CDH13: variants seen among roughly 807,000 people sequenced by gnomAD.
CDH13 encodes cadherin-13.
A neutral mutation model predicts 63.8 loss-of-function variants in CDH13; 24 were observed. The observed-to-expected ratio is 0.38, with a 90% CI of 0.27 to 0.53. The LOEUF is 0.53. CDH13 is among the 20% of genes least tolerant of loss of function. The pLI is 0.85. For synonymous variants in CDH13, 503 were observed against 355.3 expected (o/e 1.42, Z -4.67); for missense variants, 1,049 against 903.1 (o/e 1.16, Z -2.07).
At chr16:83,633,402 C>T (rs957514490) in intron 8 of CDH13, among the ~76,000 whole-genome samples, 1 of 152,196 alleles carries the variant, frequency 6.6e-6, no homozygotes, top group African/African-American at 2.4e-5. Flanking sequence ...TAGAAGAGCA[C>T]ATCTGAAGTT....
intron 8 of CDH13, among the ~76,000 whole-genome samples, chr16:83,616,609 A>T (rs1176023259): frequency 6.6e-6 from 1 of 152,086 alleles, no homozygotes; most frequent in Non-Finnish European, 1.5e-5. Context: ...GCCATAAAAC[A>T]TCTACTTTTT....
intron 1 of CDH13, among the ~76,000 whole-genome samples, chr16:82,716,044 A>G (rs1316980125): frequency 1.3e-5 from 2 of 152,174 alleles, no homozygotes; most frequent in Non-Finnish European, 2.9e-5. Flanking sequence ...CTCTGCCTAA[A>G]GTCGGATAAG....
At chr16:83,504,211 T>G (rs78388317) in intron 7 of CDH13, among the ~76,000 whole-genome samples, 3,645 of 152,244 alleles carry the variant, frequency 0.024, 153 homozygotes, top group African/African-American at 0.082. Context: ...AGGCTGGATT[T>G]TAATCCTCAG....
At chr16:83,566,314 A>G (rs557562565) in intron 7 of CDH13, among the ~76,000 whole-genome samples, 2 of 152,320 alleles carry the variant, frequency 1.3e-5, no homozygotes, top group East Asian at 3.9e-4. Flanking sequence ...CTCAATGCAT[A>G]AAGAATATCT....
At position 83,267,960 on chromosome 16, in the gene CDH13, C is replaced by T. The variant is rs140299225; in HGVS notation, c.636+50463C>T. Among the ~76,000 whole-genome samples the T allele has an allele frequency of 3.2e-3, 491 of 152,238 alleles. 3 individuals carry two copies. The highest frequency in any genetic ancestry group is 0.011 in the African/African-American group (455 of 41,550). ...GTCACAGGTGAGGGAAATGAGATGA[C>T]CATGAATGGCAAATTAATCAAGCTT... On this transcript the variant is annotated intron_variant, in intron 5 of 13. Coordinates refer to ENST00000567109, the MANE Select transcript of CDH13 (RefSeq NM_001257.5).
In CDH13 at chr16:83,541,084, C is replaced by A. The variant is rs75286478; in HGVS notation, c.960+54429C>A. Among the ~76,000 whole-genome samples, 120 of 152,234 alleles carry A rather than the reference C, an allele frequency of 7.9e-4. 1 individual carries two copies. The East Asian group carries it at 0.02, about 26-fold the overall frequency. On this transcript the variant is annotated intron_variant, in intron 7 of 13. Transcript: ENST00000567109. ...GTTCACTCCCGCTCAATCCCCAGGT[C>A]ATATGGCAGTCTAATCTCAGACTCT... is the stretch of plus-strand genomic sequence containing the variant.
chr16:83,371,013 T>C (rs1334224036), intron 6 of CDH13, among the ~76,000 whole-genome samples: 1 of 152,178 alleles, frequency 6.6e-6, no homozygotes, highest in Non-Finnish European at 1.5e-5. Context: ...AGAATGGCTA[T>C]TACTAAAAAG....
chr16:82,979,152 A>G (rs1281687276), intron 2 of CDH13, among the ~76,000 whole-genome samples: 3 of 152,232 alleles, frequency 2.0e-5, no homozygotes, highest in Non-Finnish European at 2.9e-5. Flanking sequence ...CCCATTTGGA[A>G]CAGATGTATT....
chr16:83,490,136 C>G (rs562842232), intron 7 of CDH13, among the ~76,000 whole-genome samples: 7 of 152,206 alleles, frequency 4.6e-5, no homozygotes, highest in African/African-American at 1.7e-4. Context: ...ACTCTGGAAT[C>G]CCATTGGGTG....
chr16:83,382,668 C>G (rs992476742), intron 6 of CDH13, among the ~76,000 whole-genome samples: 1 of 152,130 alleles, frequency 6.6e-6, no homozygotes, highest in African/African-American at 2.4e-5. Context: ...CAGGGTTTTT[C>G]TAGCCCTCCT....
chr16:82,879,916 A>G (rs1489498873), intron 2 of CDH13, among the ~76,000 whole-genome samples: 1 of 139,546 alleles, frequency 7.2e-6, no homozygotes, highest in Non-Finnish European at 1.5e-5. Context: ...TTATATATTT[A>G]GATATTATAG....
rs550509056 is a variant in CDH13 at position 83,191,470 on chromosome 16, T to G, written c.484-25875T>G. The stretch of plus-strand genomic sequence containing the variant: ...AGAACTAATAGGAAATATATATATA[T>G]ATATATATATATATATATGCACATA... On this transcript the variant is annotated intron_variant, in intron 4 of 13. Coordinates refer to ENST00000567109, the MANE Select transcript of CDH13 (RefSeq NM_001257.5). Among the ~76,000 whole-genome samples, 308 of 109,518 alleles carry G rather than the reference T, an allele frequency of 2.8e-3. 4 individuals carry two copies. Among genetic ancestry groups the G allele is most frequent in the African/African-American group, 5.4e-3 (166 of 30,652 alleles). The allele number at this position is 109,518 out of a possible 152,430, so 71.8% of individuals were successfully genotyped here.
At chr16:82,672,768 TACACACACAC>T (rs58819198) in intron 1 of CDH13, among the ~76,000 whole-genome samples, 75 of 144,674 alleles carry the variant, frequency 5.2e-4, no homozygotes, top group East Asian at 3.1e-3. Flanking sequence ...TATATATGTG[TACACACACAC>T]ACACACACAC....
chr16:83,591,105 T>A (rs1341430207), intron 7 of CDH13, among the ~76,000 whole-genome samples: 1 of 151,748 alleles, frequency 6.6e-6, no homozygotes, highest in Non-Finnish European at 1.5e-5. Flanking sequence ...GAGATGGGGG[T>A]TCACCAGGTT....
chr16:83,359,531 T>G (rs1206805058), intron 6 of CDH13, among the ~76,000 whole-genome samples: 1 of 152,192 alleles, frequency 6.6e-6, no homozygotes, highest in Non-Finnish European at 1.5e-5. Context: ...TAGTCCTGGC[T>G]CCTTCTCTTA....
rs562373999 is a variant in CDH13, at chr16:82,866,173, G to C, written c.157+7700G>C. 1.3e-4 allele frequency among the ~76,000 whole-genome samples: 20 copies of C among 152,022 alleles called. No homozygotes were observed. The East Asian group carries it at 3.9e-3, about 29-fold the overall frequency. ...CGTACATATTACTATCAGCATTTTGGTCAAAGCCATTTTACAAGTCTCTGG... is the reference window on the plus strand; with the variant it reads ...CGTACATATTACTATCAGCATTTTGCTCAAAGCCATTTTACAAGTCTCTGG... On this transcript the variant is annotated intron_variant, in intron 2 of 13. Coordinates refer to ENST00000567109, the MANE Select transcript of CDH13 (RefSeq NM_001257.5).
intron 3 of CDH13, among the ~76,000 whole-genome samples, chr16:83,054,554 A>G (rs554651923): frequency 4.6e-5 from 7 of 152,014 alleles, no homozygotes; most frequent in African/African-American, 1.7e-4. Context: ...ACTACTCAGA[A>G]TGGCTCAGAA....
intron 2 of CDH13, among the ~76,000 whole-genome samples, chr16:82,860,115 C>G (rs1437882478): frequency 6.6e-6 from 1 of 152,088 alleles, no homozygotes; most frequent in East Asian, 1.9e-4. Context: ...TCCTCTCTTC[C>G]TCTGTCTTCC....
intron 1 of CDH13, among the ~76,000 whole-genome samples, chr16:82,791,810 T>C (rs990065200): frequency 1.3e-5 from 2 of 152,196 alleles, no homozygotes; most frequent in Non-Finnish European, 2.9e-5. Flanking sequence ...TTTTCTTCTG[T>C]GACCCACGGC....
Sources: gnomAD v4.1 joint callset for allele counts (sites outside exome capture counted in the v4.1 genomes callset) on GRCh38, gnomAD v4.1.1 for gene constraint, MANE v1.5 for transcripts, NCBI Gene and HGNC (gene_info 2026-07-23, HGNC 2026-07-21) for gene names.